The following MAD2L1BP variants were observed in gnomAD, a reference collection of about 807,000 sequenced individuals.
The protein encoded by MAD2L1BP is MAD2L1-binding protein.
Under a neutral mutation model 28.4 loss-of-function variants are expected in MAD2L1BP, and 22 were observed. That is an observed-to-expected ratio of 0.77 (90% confidence interval 0.55 to 1.10). The LOEUF is 1.10. Among genes scored for constraint, MAD2L1BP ranks in the 50% least tolerant of loss-of-function variants. The pLI is 0.00. For synonymous variants in MAD2L1BP, 146 were observed against 133.7 expected, an observed-to-expected ratio of 1.09 and a Z score of -0.63; for missense variants, 325 against 350.5, an observed-to-expected ratio of 0.93 and a Z score of 0.58.
At chr6:43,633,978 C>T (rs537790550), upstream of MAD2L1BP, among the ~76,000 whole-genome samples, 2 of 152,272 alleles carry the variant, frequency 1.3e-5, no homozygotes, top group South Asian at 4.1e-4. Context: ...AATATCCTAG[C>T]CCATTCTCAT....
upstream of MAD2L1BP, among the ~76,000 whole-genome samples, chr6:43,635,488 C>T (rs1770145597): frequency 6.6e-6 from 1 of 152,242 alleles, no homozygotes; most frequent in African/African-American, 2.4e-5. Context: ...TATCTACAGG[C>T]AGTGAACCCC....
Position 43,636,533 on chromosome 6 carries a change from G to A in MAD2L1BP, c.199G>A (p.Glu67Lys). 1 of 1,614,168 alleles carries A rather than the reference G, an allele frequency of 6.2e-7. No homozygotes were observed. Among genetic ancestry groups the A allele is most frequent in the Non-Finnish European group, 8.5e-7 (1 of 1,180,038 alleles). Residue 67 changes from glutamate (E) to lysine (K), a missense_variant, in exon 2 of 3, where the codon GAA becomes AAA. Glu to Lys is a moderately conservative substitution (Grantham distance 56, BLOSUM62 1). Coordinates refer to ENST00000372171, the MANE Select transcript of MAD2L1BP (RefSeq NM_014628.3). Reference protein sequence around the residue: ...PVVFPGPVSQEGCCQFTCELL... With the variant: ...PVVFPGPVSQKGCCQFTCELL... ...GGTGTTTCCTGGGCCTGTGAGCCAG[G>A]AAGGCTGCTGTCAGTTTACTTGTGA...
chr6:43,640,804 A>C lies in MAD2L1BP; in HGVS notation c.*271A>C. On this transcript the variant is annotated 3_prime_UTR_variant, in exon 3 of 3. Coordinates refer to ENST00000372171, the MANE Select transcript of MAD2L1BP (RefSeq NM_014628.3). ...TCAGGCATTTCTATTAGGAGTTGGAAAGCAAAAATGGGTCCATAGACACTC... is the reference window on the plus strand; with the variant it reads ...TCAGGCATTTCTATTAGGAGTTGGACAGCAAAAATGGGTCCATAGACACTC... 2.5e-6 allele frequency: 1 copy of C among 402,978 alleles called. No individual in the cohort carries two copies. The highest frequency in any genetic ancestry group is 2.0e-5 in the African/African-American group (1 of 49,038). 25.0% of individuals were successfully genotyped at this position (402,978 alleles called of 1,614,324 possible).
rs770519062 is a variant in MAD2L1BP, at chr6:43,640,316, T to G, written c.608T>G (p.Leu203Arg). The change falls in exon 3 of 3, where the codon CTT becomes CGT. Residue 203 changes from leucine (L) to arginine (R), a missense_variant. Physicochemically the swap from Leu to Arg is moderately radical, Grantham distance 102 (BLOSUM62 -2). Coordinates refer to ENST00000372171, the MANE Select transcript of MAD2L1BP (RefSeq NM_014628.3). The part of the protein sequence containing the change: ...AIFMADAFSE[L>R]QAPPLMGTVV... The stretch of plus-strand genomic sequence containing the variant: ...TTCATGGCTGATGCCTTTAGCGAGC[T>G]TCAGGCTCCTCCACTCATGGGCACC... The G allele has an allele frequency of 1.2e-6, 2 of 1,613,596 alleles. No homozygotes were observed. The highest frequency in any genetic ancestry group is 2.2e-5 in the South Asian group (2 of 91,018).
rs1770489700 is a variant in MAD2L1BP at position 43,640,230 on chromosome 6, C to T, written c.522C>T (p.Pro174=). The T allele has an allele frequency of 6.2e-7, 1 of 1,614,002 alleles. No individual in the cohort carries two copies. Among genetic ancestry groups the T allele is most frequent in the East Asian group, 2.2e-5 (1 of 44,868 alleles). The change falls in exon 3 of 3, where the codon CCC becomes CCT. Residue 174 remains proline (P), a synonymous_variant. Transcript: ENST00000372171. The stretch of plus-strand genomic sequence containing the variant: ...AACTCGACTTGTCTCTGCTGGCCCC[C>T]TACAGCGTGGACCAGAGCCTGAGCA... The part of the protein sequence containing the change: ...FYELDLSLLA[P]YSVDQSLSTA...
intron 2 of MAD2L1BP, 118 bp from the exon 3 acceptor site, chr6:43,639,903 C>A (rs1770471073): frequency 9.1e-6 from 7 of 769,140 alleles, no homozygotes; most frequent in Admixed American, 3.6e-5. Context: ...TGTGGCGGTT[C>A]ATTGAGCTAG....
chr6:43,640,666 C>T lies in MAD2L1BP; in HGVS notation c.*133C>T. ...AAGCAACTCTCCTTCTGGTTGTCTGCCTCCCCTCAGATTTCCTGATAGGCT... is the reference window on the plus strand; with the variant it reads ...AAGCAACTCTCCTTCTGGTTGTCTGTCTCCCCTCAGATTTCCTGATAGGCT... On this transcript the variant is annotated 3_prime_UTR_variant, in exon 3 of 3. Transcript: ENST00000372171. The T allele has an allele frequency of 1.1e-6, 1 of 940,738 alleles. No homozygotes were observed. The highest frequency in any genetic ancestry group is 1.5e-6 in the Non-Finnish European group (1 of 650,842). 58.3% of individuals were successfully genotyped at this position (940,738 alleles called of 1,614,324 possible). A position where few individuals can be genotyped will look rare whatever the true frequency, so the allele number is the denominator to read the frequency against.
intron 1 of MAD2L1BP, among the ~76,000 whole-genome samples, chr6:43,630,148 G>T (rs940470955): frequency 3.3e-5 from 5 of 152,242 alleles, no homozygotes; most frequent in Middle Eastern, 3.2e-3. Context: ...CGGGGCAGTG[G>T]CCGGGAATAG....
upstream of MAD2L1BP, among the ~76,000 whole-genome samples, chr6:43,634,744 A>G (rs1417530174): frequency 6.6e-6 from 1 of 152,100 alleles, no homozygotes; most frequent in Non-Finnish European, 1.5e-5. Flanking sequence ...TATTTTTAGT[A>G]GAGACAGCGT....
intron 1 of MAD2L1BP, among the ~76,000 whole-genome samples, chr6:43,630,675 G>A (rs1380750582): frequency 2.0e-5 from 3 of 150,926 alleles, no homozygotes; most frequent in South Asian, 4.2e-4. Flanking sequence ...CCCGGGAGGC[G>A]GAGGTTGCAG....
intron 2 of MAD2L1BP, among the ~76,000 whole-genome samples, chr6:43,637,793 T>C (rs1770324437): frequency 6.6e-6 from 1 of 151,854 alleles, no homozygotes; most frequent in African/African-American, 2.4e-5. Flanking sequence ...TAGACGGGGT[T>C]TCACCATGTT....
At chr6:43,633,485 C>G (rs905633775), upstream of MAD2L1BP, among the ~76,000 whole-genome samples, 2 of 148,674 alleles carry the variant, frequency 1.3e-5, no homozygotes, top group Admixed American at 6.7e-5. Flanking sequence ...AATTGCTGTA[C>G]TTTTATAGTG....
chr6:43,638,410 A>G (rs1770374968), intron 2 of MAD2L1BP, among the ~76,000 whole-genome samples: 2 of 152,124 alleles, frequency 1.3e-5, no homozygotes, highest in South Asian at 4.1e-4. Context: ...TCCTTGCGGC[A>G]TCTCAGTTTC....
intron 1 of MAD2L1BP, chr6:43,629,822 G>A: frequency 6.5e-7 from 1 of 1,544,056 alleles, no homozygotes; most frequent in Non-Finnish European, 8.7e-7. Flanking sequence ...GCCAAATTAC[G>A]GCTGTTATTG....
intron 2 of MAD2L1BP, among the ~76,000 whole-genome samples, chr6:43,638,265 G>C (rs1463804410): frequency 1.5e-4 from 22 of 149,982 alleles, no homozygotes; most frequent in East Asian, 1.0e-3. Context: ...TGGTCTCGAA[G>C]TCCTGACCTC....
chr6:43,638,985 A>G (rs1271817487), intron 2 of MAD2L1BP, among the ~76,000 whole-genome samples: 1 of 151,908 alleles, frequency 6.6e-6, no homozygotes, highest in African/African-American at 2.4e-5. Flanking sequence ...ATTTTCATTC[A>G]TTTCCCCTAT....
chr6:43,639,921 GTC>G, intron 2 of MAD2L1BP, 98 bp from the exon 3 acceptor site: 1 of 1,009,884 alleles, frequency 9.9e-7, no homozygotes, highest in Non-Finnish European at 1.4e-6. Context: ...TAGAAATTAA[GTC>G]CTGTAAGTCT....
intron 2 of MAD2L1BP, among the ~76,000 whole-genome samples, chr6:43,639,674 C>T (rs1414196353): frequency 6.6e-6 from 1 of 152,090 alleles, no homozygotes; most frequent in Admixed American, 6.5e-5. Context: ...GTTTATTAGA[C>T]CAAATAATCC....
chr6:43,631,711 A>ACTC (rs199905680), upstream of MAD2L1BP, among the ~76,000 whole-genome samples: 4,979 of 152,148 alleles, frequency 0.033, 260 homozygotes, highest in African/African-American at 0.11. Flanking sequence ...CTGGTGTTGA[A>ACTC]CTGGGCTCAA....
Sources: allele counts gnomAD v4.1 joint callset (sites outside exome capture counted in the v4.1 genomes callset), GRCh38; gene constraint gnomAD v4.1.1; transcripts MANE v1.5; gene names NCBI Gene and HGNC (gene_info 2026-07-23, HGNC 2026-07-21).